The following DIAPH2 variants were observed in gnomAD, a reference collection of about 807,000 sequenced individuals.
DIAPH2 encodes the protein diaphanous related formin 2, also known as protein diaphanous homolog 2.
Under a neutral mutation model 92.7 loss-of-function variants are expected in DIAPH2, and 35 were observed. The observed-to-expected ratio is 0.38, with a 90% CI of 0.29 to 0.50. DIAPH2 has a LOEUF of 0.50. Ranked by LOEUF, DIAPH2 falls within the 20% of genes least tolerant of loss-of-function variation. The pLI is 0.94. For missense variants in DIAPH2, 701 were observed against 819.5 expected (o/e 0.86, Z 1.77); for synonymous variants, 301 against 280.4 (o/e 1.07, Z -0.73).
chrX:96,714,349 A>C (rs1337314177), intron 1 of DIAPH2, among the ~76,000 whole-genome samples: 1 of 104,124 alleles, frequency 9.6e-6, no homozygotes, highest in Non-Finnish European at 2.0e-5. Flanking sequence ...ACCGCAACCT[A>C]CACCTCCCAG....
intron 26 of DIAPH2, among the ~76,000 whole-genome samples, chrX:97,571,381 A>G (rs1183666066): frequency 8.9e-6 from 1 of 112,067 alleles, no homozygotes; most frequent in Non-Finnish European, 1.9e-5. Context: ...TCTTTAAAAT[A>G]TATCATTTTA....
rs773018030 is a variant in DIAPH2 at position 97,181,662 on chromosome X, G to A, written c.2719+39868G>A. Among the ~76,000 whole-genome samples the A allele has an allele frequency of 1.7e-4, 19 of 112,163 alleles. No individual in the cohort carries two copies. In the South Asian group the frequency reaches 6.3e-3, roughly 37 times the overall value. ...CGACCTCAGGTGATCCACCCGCCTC[G>A]GCCTCCCAAAGTGCTGGGATTACAG... is the stretch of plus-strand genomic sequence containing the variant. On this transcript the variant is annotated intron_variant, in intron 22 of 26. Transcript: ENST00000324765.
At chrX:96,904,991 T>C (rs2065423385) in intron 5 of DIAPH2, among the ~76,000 whole-genome samples, 1 of 111,365 alleles carries the variant, frequency 9.0e-6, no homozygotes, top group African/African-American at 3.3e-5. Flanking sequence ...AGTTTGAGAT[T>C]ACACATGGGA....
chrX:97,120,416 C>T (rs2067048019), intron 21 of DIAPH2, among the ~76,000 whole-genome samples: 1 of 110,167 alleles, frequency 9.1e-6, no homozygotes, highest in Admixed American at 9.7e-5. Flanking sequence ...AGTCCCCTTC[C>T]TTCAGAGGGT....
At chrX:97,377,316 A>G (rs139058460) in intron 24 of DIAPH2, among the ~76,000 whole-genome samples, 436 of 112,499 alleles carry the variant, frequency 3.9e-3, no homozygotes, top group African/African-American at 0.013. Context: ...ATCAGTATCA[A>G]GTACTGTGTA....
intron 17 of DIAPH2, among the ~76,000 whole-genome samples, chrX:96,991,999 G>C (rs1460652084): frequency 1.8e-5 from 2 of 109,758 alleles, no homozygotes; most frequent in East Asian, 5.7e-4. Flanking sequence ...TTTTCAAAGG[G>C]TTTCCTTCAC....
intron 22 of DIAPH2, among the ~76,000 whole-genome samples, chrX:97,193,863 A>C (rs1443149602): frequency 8.9e-6 from 1 of 112,071 alleles, no homozygotes; most frequent in Non-Finnish European, 1.9e-5. Context: ...ATGGGTTCTA[A>C]TTTCTGGCCT....
chrX:97,185,345 ATATATATGTG>A (rs1490191655), intron 22 of DIAPH2, among the ~76,000 whole-genome samples: 3 of 3,759 alleles, frequency 8.0e-4, no homozygotes, highest in African/African-American at 3.5e-3. Flanking sequence ...ATATATGTAT[ATATATATGTG>A]TGTATATATA....
At chrX:96,757,779 GC>G (rs2064241297) in intron 3 of DIAPH2, among the ~76,000 whole-genome samples, 1 of 112,007 alleles carries the variant, frequency 8.9e-6, no homozygotes, top group Non-Finnish European at 1.9e-5. Context: ...TCCTAAGGGA[GC>G]ATATGCCAAA....
intron 24 of DIAPH2, among the ~76,000 whole-genome samples, chrX:97,365,517 TCACA>T (rs1329288387): frequency 9.0e-6 from 1 of 110,825 alleles, no homozygotes; most frequent in African/African-American, 3.3e-5. Context: ...TGGAATACAG[TCACA>T]CGCACAGTCT....
chrX:97,185,478 T>TATATACAC (rs2067591783), intron 22 of DIAPH2, among the ~76,000 whole-genome samples: 4 of 2,957 alleles, frequency 1.4e-3, no homozygotes, highest in African/African-American at 2.4e-3. Context: ...TATACACATA[T>TATATACAC]ATATATATAT....
At chrX:96,855,670 C>T (rs2065035241) in intron 4 of DIAPH2, among the ~76,000 whole-genome samples, 1 of 109,513 alleles carries the variant, frequency 9.1e-6, no homozygotes, top group Admixed American at 9.8e-5. Context: ...TTAGAGGGAC[C>T]TAGTTTGGGA....
At chrX:97,237,114 G>A (rs2068054329) in intron 22 of DIAPH2, among the ~76,000 whole-genome samples, 1 of 112,061 alleles carries the variant, frequency 8.9e-6, no homozygotes, top group African/African-American at 3.2e-5. Flanking sequence ...AGTAATTTCA[G>A]ATTTCTTAAA....
rs147863871 is a variant in DIAPH2, at chrX:96,863,066, A to G, written c.448-18513A>G. Among the ~76,000 whole-genome samples, 41 of 110,272 alleles carry G rather than the reference A, an allele frequency of 3.7e-4. 1 individual carries two copies. Among genetic ancestry groups the G allele is most frequent in the African/African-American group, 1.3e-3 (41 of 30,379 alleles). On this transcript the variant is annotated intron_variant, in intron 4 of 26. Coordinates refer to ENST00000324765, the MANE Select transcript of DIAPH2 (RefSeq NM_006729.5). Reference sequence around the variant, plus strand: ...TTCCCTCTGTAAATGTGCTTTACTCATAAATGTCTGTCTATAAAGATGTGT... The same window carrying G: ...TTCCCTCTGTAAATGTGCTTTACTCGTAAATGTCTGTCTATAAAGATGTGT...
At chrX:97,186,270 A>AT (rs1463451385) in intron 22 of DIAPH2, among the ~76,000 whole-genome samples, 3 of 111,371 alleles carry the variant, frequency 2.7e-5, no homozygotes, top group Non-Finnish European at 5.7e-5. Context: ...TAAGTCACTG[A>AT]TTTTTTTGAA....
At chrX:96,692,622 A>G (rs756959795) in intron 1 of DIAPH2, among the ~76,000 whole-genome samples, 1 of 112,155 alleles carries the variant, frequency 8.9e-6, no homozygotes, top group African/African-American at 3.2e-5. Context: ...AACAGCTGTT[A>G]TGTACCATCA....
In DIAPH2 at chrX:97,106,569, T is replaced by A. The variant is rs746688276; in HGVS notation, c.2349+6774T>A. ...ATTGATTGGTTTTCATTAAATTTTT[T>A]AAAAATCAAAAGTTAACCCTTTCAT... On this transcript the variant is annotated intron_variant, in intron 20 of 26. Transcript: ENST00000324765. 4.8e-4 allele frequency among the ~76,000 whole-genome samples: 54 copies of A among 112,142 alleles called. No homozygotes were observed. The South Asian group carries it at 0.02, about 41-fold the overall frequency.
At chrX:96,808,592 AT>A (rs1461072880) in intron 4 of DIAPH2, among the ~76,000 whole-genome samples, 1 of 111,974 alleles carries the variant, frequency 8.9e-6, no homozygotes, top group Non-Finnish European at 1.9e-5. Flanking sequence ...TATTCTAAAC[AT>A]TTTTATTAAG....
At chrX:97,354,562 C>G (rs918138257) in intron 24 of DIAPH2, among the ~76,000 whole-genome samples, 10 of 111,809 alleles carry the variant, frequency 8.9e-5, no homozygotes, top group African/African-American at 3.3e-4. Context: ...TAGTAGGAGA[C>G]GGGGTTTCGC....
Sources: allele counts gnomAD v4.1 joint callset (sites outside exome capture counted in the v4.1 genomes callset), GRCh38; gene constraint gnomAD v4.1.1; transcripts MANE v1.5; gene names NCBI Gene and HGNC (gene_info 2026-07-23, HGNC 2026-07-21).